Variants in AADACL2 observed in about 807,000 individuals in gnomAD.
AADACL2 encodes the protein arylacetamide deacetylase like 2, also known as arylacetamide deacetylase-like 2.
A neutral mutation model predicts 22.3 loss-of-function variants in AADACL2; 23 were observed. The observed-to-expected ratio is 1.03, with a 90% CI of 0.74 to 1.46. The LOEUF (loss-of-function observed/expected upper bound fraction) is 1.46, where lower values mean the gene tolerates loss of function less well. Among genes scored for constraint, AADACL2 ranks in the 40% most tolerant of loss-of-function variants. AADACL2 has a pLI of 0.00. For synonymous variants in AADACL2, 177 were observed against 166.2 expected, an observed-to-expected ratio of 1.07 and a Z score of -0.50; for missense variants, 472 against 482.9, an observed-to-expected ratio of 0.98 and a Z score of 0.21.
At chr3:151,737,940 T>C (rs929997032) in intron 1 of AADACL2, among the ~76,000 whole-genome samples, 2 of 152,180 alleles carry the variant, frequency 1.3e-5, no homozygotes, top group African/African-American at 4.8e-5. Context: ...AATAGGGGCA[T>C]TAACCCATTT....
chr3:151,743,954 C>A, intron 2 of AADACL2, 139 bp from the exon 3 acceptor site: 1 of 758,068 alleles, frequency 1.3e-6, no homozygotes, highest in South Asian at 1.9e-5. Context: ...GATTCAGGTC[C>A]ATCTGCTTGG....
Position 151,761,204 on chromosome 3 carries a change from GATATATATATATATATATATATAT to G in AADACL2, c.*3625_*3648del, listed in dbSNP as rs56205370. The G allele has an allele frequency of 1.5e-4, 13 of 85,440 alleles. No individual in the cohort carries two copies. In the South Asian group the frequency reaches 3.2e-3, roughly 21 times the overall value. The allele number at this position is 85,440 out of a possible 1,614,324, so 5.3% of individuals were successfully genotyped here. ...ATATGGTGAGATATATACATATTGTGATATATATATATATATATATATATATATATATATATATGAATTTGGTGG... is the reference window on the plus strand; with the variant it reads ...ATATGGTGAGATATATACATATTGTGATATATATATATATGAATTTGGTGG... On this transcript the variant is annotated 3_prime_UTR_variant, in exon 5 of 5. Transcript: ENST00000356517.
chr3:151,745,162 T>TA (rs987656763), intron 3 of AADACL2, among the ~76,000 whole-genome samples: 2 of 152,066 alleles, frequency 1.3e-5, no homozygotes, highest in African/African-American at 4.8e-5. Flanking sequence ...CAAGCATTTT[T>TA]AAAAAAATGT....
chr3:151,743,665 C>G (rs1225424215), intron 2 of AADACL2, among the ~76,000 whole-genome samples: 3 of 152,146 alleles, frequency 2.0e-5, no homozygotes, highest in Admixed American at 6.6e-5. Flanking sequence ...CTATTACTTT[C>G]TTTTTCCTCC....
At chr3:151,735,948 G>A (rs533674264) in intron 1 of AADACL2, among the ~76,000 whole-genome samples, 7 of 152,048 alleles carry the variant, frequency 4.6e-5, no homozygotes, top group Middle Eastern at 6.8e-3. Flanking sequence ...AAAAGTCCTC[G>A]AGAAGCTGGT....
At chr3:151,745,433 A>T in intron 3 of AADACL2, 76 bp from the exon 4 acceptor site, 1 of 1,435,564 alleles carries the variant, frequency 7.0e-7, no homozygotes, top group Non-Finnish European at 9.5e-7. Flanking sequence ...GACTGGCATT[A>T]AATTGCATCT....
intron 4 of AADACL2, among the ~76,000 whole-genome samples, chr3:151,754,508 T>G (rs1037286603): frequency 6.6e-6 from 1 of 151,996 alleles, no homozygotes; most frequent in Admixed American, 6.6e-5. Context: ...ATACCATAAG[T>G]TTAGGATTAA....
chr3:151,745,851 A>G (rs1180846652), intron 4 of AADACL2, among the ~76,000 whole-genome samples, 171 bp downstream of exon 4: 1 of 152,020 alleles, frequency 6.6e-6, no homozygotes, highest in Admixed American at 6.6e-5. Flanking sequence ...TTTCTGGATT[A>G]TTTTGTTCCA....
At chr3:151,745,772 A>G in intron 4 of AADACL2, 92 bp downstream of exon 4, 1 of 1,315,420 alleles carries the variant, frequency 7.6e-7, no homozygotes, top group Non-Finnish European at 1.0e-6. Flanking sequence ...CATTTGTTGA[A>G]AAGACCATTC....
intron 1 of AADACL2, among the ~76,000 whole-genome samples, chr3:151,739,696 T>C (rs1713215170): frequency 6.6e-6 from 1 of 152,174 alleles, no homozygotes. Flanking sequence ...TGCCTTTCTT[T>C]CAGAGATGCC....
At chr3:151,738,660 A>T (rs1177690349) in intron 1 of AADACL2, among the ~76,000 whole-genome samples, 1 of 152,130 alleles carries the variant, frequency 6.6e-6, no homozygotes, top group Non-Finnish European at 1.5e-5. Context: ...CTTTTCACAT[A>T]GTTCCATATT....
intron 4 of AADACL2, among the ~76,000 whole-genome samples, chr3:151,747,638 G>A (rs368548244): frequency 2.0e-5 from 3 of 149,324 alleles, no homozygotes; most frequent in Admixed American, 6.6e-5. Flanking sequence ...GTGTGTGTGT[G>A]TAGATACACA....
chr3:151,760,826 C>T lies in AADACL2; in HGVS notation c.*3232C>T, dbSNP rs1413387846. 6.6e-6 allele frequency: 1 copy of T among 152,078 alleles called. No homozygotes were observed. The highest frequency in any genetic ancestry group is 1.5e-5 in the Non-Finnish European group (1 of 68,024). 9.4% of individuals were successfully genotyped at this position (152,078 alleles called of 1,614,324 possible). A position where few individuals can be genotyped will look rare whatever the true frequency, so the allele number is the denominator to read the frequency against. ...AAGGTGTCATCACACCATGGTCCCT[C>T]TGAAGGCACCAAGGATGGATCTGTT... On this transcript the variant is annotated 3_prime_UTR_variant, in exon 5 of 5. Coordinates refer to ENST00000356517, the MANE Select transcript of AADACL2 (RefSeq NM_207365.4).
At chr3:151,748,914 A>C (rs1412036488) in intron 4 of AADACL2, among the ~76,000 whole-genome samples, 3 of 152,158 alleles carry the variant, frequency 2.0e-5, no homozygotes, top group Non-Finnish European at 4.4e-5. Context: ...ATGTTTGTTT[A>C]TATGCCAGTA....
chr3:151,747,735 A>G (rs181533755), intron 4 of AADACL2, among the ~76,000 whole-genome samples: 2 of 152,180 alleles, frequency 1.3e-5, no homozygotes, highest in African/African-American at 4.8e-5. Context: ...TACTGCTTCA[A>G]TGAATATGCG....
intron 3 of AADACL2, among the ~76,000 whole-genome samples, chr3:151,744,992 T>C (rs1252669779): frequency 2.0e-5 from 3 of 152,104 alleles, no homozygotes; most frequent in Non-Finnish European, 4.4e-5. Context: ...TTAAATTTTA[T>C]TTATATATCA....
chr3:151,740,844 G>A lies in AADACL2; in HGVS notation c.337G>A (p.Gly113Ser), dbSNP rs767606267. The change falls in exon 2 of 5, where the codon GGT (glycine) becomes AGT (serine). Residue 113 changes from glycine (G) to serine (S), a missense_variant. Physicochemically the swap from Gly to Ser is moderately conservative, Grantham distance 56 (BLOSUM62 0). Transcript: ENST00000356517. ...GCGAGCTGTGATATATTTTCATGGT[G>A]GTGGTTTTTGTTTTGGAAGTTCCAG... is the stretch of plus-strand genomic sequence containing the variant. ...RRRAVIYFHG[G>S]GFCFGSSKQR... 6.2e-7 allele frequency: 1 copy of A among 1,613,844 alleles called. No homozygotes were observed. Among genetic ancestry groups the A allele is most frequent in the African/African-American group, 1.3e-5 (1 of 75,026 alleles).
chr3:151,749,237 A>T (rs928017898), intron 4 of AADACL2, among the ~76,000 whole-genome samples: 1 of 151,432 alleles, frequency 6.6e-6, no homozygotes, highest in Admixed American at 6.6e-5. Flanking sequence ...CTGTGTATAG[A>T]TCTTTCTACC....
Position 151,740,681 on chromosome 3 carries a change from T to C in AADACL2, c.174T>C (p.Tyr58=), listed in dbSNP as rs1037149960. Residue 58 remains tyrosine (Y), a synonymous_variant, in exon 2 of 5, where the codon TAT becomes TAC. Coordinates refer to ENST00000356517, the MANE Select transcript of AADACL2 (RefSeq NM_207365.4). The part of the protein sequence containing the change: ...MCFENMRIMR[Y]EEFISMIFRL... ...TTGAAAATATGCGTATTATGAGATA[T>C]GAAGAGTTTATATCCATGATATTCA... 1.2e-6 allele frequency: 2 copies of C among 1,613,466 alleles called. No individual in the cohort carries two copies. Among genetic ancestry groups the C allele is most frequent in the African/African-American group, 1.3e-5 (1 of 75,052 alleles).
Sources: gnomAD v4.1 joint callset for allele counts (sites outside exome capture counted in the v4.1 genomes callset) on GRCh38, gnomAD v4.1.1 for gene constraint, MANE v1.5 for transcripts, NCBI Gene and HGNC (gene_info 2026-07-23, HGNC 2026-07-21) for gene names.